Variants in MBD5 observed in about 807,000 individuals in gnomAD.
MBD5 encodes methyl-CpG binding domain protein 5, also known as methyl-CpG-binding domain protein 5.
Under a neutral mutation model 117.3 loss-of-function variants are expected in MBD5, and 13 were observed. The observed-to-expected ratio is 0.11, with a 90% CI of 0.07 to 0.18. The LOEUF (loss-of-function observed/expected upper bound fraction) is 0.18, where lower values mean the gene tolerates loss of function less well. Ranked by LOEUF, MBD5 falls within the 10% of genes least tolerant of loss-of-function variation. The pLI, the probability that MBD5 is intolerant of heterozygous loss-of-function variation, is 1.00. For synonymous variants in MBD5, 727 were observed against 766.4 expected (o/e 0.95, Z 0.85); for missense variants, 1,879 against 2,093.8 (o/e 0.90, Z 2.00).
intron 1 of MBD5, among the ~76,000 whole-genome samples, chr2:148,092,978 C>T (rs1558922481): frequency 2.0e-5 from 3 of 151,496 alleles, no homozygotes; most frequent in Non-Finnish European, 1.5e-5. Context: ...AGTGCAGTGG[C>T]GCGATCTTGG....
intron 1 of MBD5, among the ~76,000 whole-genome samples, chr2:148,078,348 CTATG>C (rs1190787012): frequency 6.6e-6 from 1 of 152,044 alleles, no homozygotes; most frequent in African/African-American, 2.4e-5. Context: ...ACTAGATGTC[CTATG>C]TATCCAGTGG....
rs190852186 is a variant in MBD5, at chr2:148,046,070, G to A, written c.-925+24386G>A. Among the ~76,000 whole-genome samples the A allele has an allele frequency of 9.1e-3, 1,156 of 126,872 alleles. 11 individuals are homozygous for A. The highest frequency in any genetic ancestry group is 0.032 in the African/African-American group (1,091 of 33,886). The allele number at this position is 126,872 out of a possible 152,430, so 83.2% of individuals were successfully genotyped here. ...GCAATCTCGGCTCACCACAACCTCC[G>A]CCTCCCAGGTTCAAGTGATCCTCCT... On this transcript the variant is annotated intron_variant, in intron 1 of 13. Transcript: ENST00000642680.
intron 1 of MBD5, among the ~76,000 whole-genome samples, chr2:148,099,863 T>A (rs566338036): frequency 6.6e-6 from 1 of 152,316 alleles, no homozygotes; most frequent in East Asian, 1.9e-4. Flanking sequence ...AGGGTATAGG[T>A]GGAAATGATC....
intron 2 of MBD5, among the ~76,000 whole-genome samples, chr2:148,198,360 G>A (rs1397166680): frequency 6.6e-6 from 1 of 152,024 alleles, no homozygotes; most frequent in Non-Finnish European, 1.5e-5. Flanking sequence ...GTTTCTCAAT[G>A]TCTCTGTGCA....
intron 4 of MBD5, among the ~76,000 whole-genome samples, chr2:148,364,554 AC>A (rs948804905): frequency 6.6e-5 from 10 of 152,180 alleles, no homozygotes; most frequent in African/African-American, 2.4e-4. Flanking sequence ...GGCAAATCGG[AC>A]AAAGTGTCAA....
At chr2:148,052,587 CATATGTT>C (rs1433284483) in intron 1 of MBD5, among the ~76,000 whole-genome samples, 1 of 121,836 alleles carries the variant, frequency 8.2e-6, no homozygotes, top group Non-Finnish European at 1.9e-5. Flanking sequence ...TATAAGTTTT[CATATGTT>C]ATGTTTTCGT....
chr2:148,379,839 T>C (rs1365278010), intron 4 of MBD5, among the ~76,000 whole-genome samples: 4 of 151,994 alleles, frequency 2.6e-5, no homozygotes, highest in South Asian at 2.1e-4. Flanking sequence ...TACAATCCAA[T>C]AGAGGGAGGA....
At position 148,351,327 on chromosome 2, in the gene MBD5, G is replaced by A. The variant is rs73015131; in HGVS notation, c.-557+8991G>A. Among the ~76,000 whole-genome samples the A allele has an allele frequency of 4.1e-3, 625 of 152,038 alleles. 6 individuals are homozygous for A. The highest frequency in any genetic ancestry group is 0.014 in the African/African-American group (585 of 41,500). On this transcript the variant is annotated intron_variant, in intron 4 of 13. Transcript: ENST00000642680. ...ATCTACTGCCTCTGTGGATTTGCCT[G>A]CTCTAGACATTTCAGATAAATGTGA...
At chr2:148,068,217 C>T (rs533425711) in intron 1 of MBD5, among the ~76,000 whole-genome samples, 9 of 152,224 alleles carry the variant, frequency 5.9e-5, no homozygotes, top group African/African-American at 2.2e-4. Context: ...GAAAAAAAAG[C>T]TCCTAGATAG....
Position 148,502,445 on chromosome 2 carries a change from G to A in MBD5, c.4972G>A (p.Glu1658Lys), listed in dbSNP as rs1439390034. 2.5e-6 allele frequency: 4 copies of A among 1,614,170 alleles called. No individual in the cohort carries two copies. Among genetic ancestry groups the A allele is most frequent in the Non-Finnish European group, 3.4e-6 (4 of 1,180,010 alleles). Residue 1658 changes from glutamate (E) to lysine (K), a missense_variant, in exon 12 of 14, where the codon GAG becomes AAG. Coordinates refer to ENST00000642680, the MANE Select transcript of MBD5 (RefSeq NM_001378120.1). Reference sequence around the variant, plus strand: ...TCATACCTTCACTCAGGTGGAGCCCGAGAAGTTGAAGACACTAACAGAAGG... The same window carrying A: ...TCATACCTTCACTCAGGTGGAGCCCAAGAAGTTGAAGACACTAACAGAAGG... ...QSPEEGKVEP[E>K]KLKTLTEGLE...
chr2:148,397,225 A>C (rs941948071), intron 4 of MBD5, among the ~76,000 whole-genome samples: 3 of 152,146 alleles, frequency 2.0e-5, no homozygotes, highest in South Asian at 2.1e-4. Context: ...AACCACCAGC[A>C]AACTGATCAT....
rs949256661 is a variant in MBD5, at chr2:148,515,862, C to A, written c.*2921C>A. 1.3e-5 allele frequency: 2 copies of A among 152,100 alleles called. No homozygotes were observed. Among genetic ancestry groups the A allele is most frequent in the African/African-American group, 4.8e-5 (2 of 41,408 alleles). 9.4% of individuals were successfully genotyped at this position (152,100 alleles called of 1,614,324 possible). A position where few individuals can be genotyped will look rare whatever the true frequency, so the allele number is the denominator to read the frequency against. On this transcript the variant is annotated 3_prime_UTR_variant, in exon 14 of 14. Transcript: ENST00000642680. ...AAATGAGTGAAAATTAACTGAGCAG[C>A]TTTTGTGTGATTTGTCTTGTTTGTA... is the stretch of plus-strand genomic sequence containing the variant.
chr2:148,507,478 G>A (rs1682068243), intron 12 of MBD5, among the ~76,000 whole-genome samples: 1 of 152,158 alleles, frequency 6.6e-6, no homozygotes, highest in Admixed American at 6.6e-5. Flanking sequence ...ACAATACTTG[G>A]GCCGGGCGCG....
At chr2:148,373,464 A>T (rs1458526348) in intron 4 of MBD5, among the ~76,000 whole-genome samples, 1 of 152,136 alleles carries the variant, frequency 6.6e-6, no homozygotes, top group Non-Finnish European at 1.5e-5. Context: ...TGGAAGGACA[A>T]GTTTTACAAA....
chr2:148,031,932 T>C (rs1694050483), intron 1 of MBD5, among the ~76,000 whole-genome samples: 2 of 152,144 alleles, frequency 1.3e-5, no homozygotes, highest in African/African-American at 4.8e-5. Flanking sequence ...GCTTATGTTT[T>C]CTCCATTTTC....
At chr2:148,353,252 T>C (rs1703289262) in intron 4 of MBD5, among the ~76,000 whole-genome samples, 1 of 152,124 alleles carries the variant, frequency 6.6e-6, no homozygotes, top group Non-Finnish European at 1.5e-5. Flanking sequence ...ATTCTGACCT[T>C]TATCCTAAGA....
chr2:148,412,272 T>TTTTTTTGTGTGTGTG (rs946184910), intron 4 of MBD5, among the ~76,000 whole-genome samples: 1 of 144,480 alleles, frequency 6.9e-6, no homozygotes, highest in African/African-American at 2.6e-5. Context: ...AGTATACTTT[T>TTTTTTTGTGTGTGTG]TGTGTGTGTG....
intron 4 of MBD5, among the ~76,000 whole-genome samples, chr2:148,345,170 G>C (rs922213081): frequency 6.6e-6 from 1 of 151,208 alleles, no homozygotes; most frequent in Non-Finnish European, 1.5e-5. Context: ...AGAACTAATA[G>C]GATATATATA....
chr2:148,439,228 AGG>A, intron 4 of MBD5, among the ~76,000 whole-genome samples: 1 of 152,244 alleles, frequency 6.6e-6, no homozygotes, highest in East Asian at 1.9e-4. Flanking sequence ...TTAGACTTTA[AGG>A]ATTTTGATTT....
Sources: gnomAD v4.1 joint callset for allele counts (sites outside exome capture counted in the v4.1 genomes callset) on GRCh38, gnomAD v4.1.1 for gene constraint, MANE v1.5 for transcripts, NCBI Gene and HGNC (gene_info 2026-07-23, HGNC 2026-07-21) for gene names.